DIS3L2: variants seen among roughly 807,000 people sequenced by gnomAD.
DIS3L2 encodes the protein DIS3 like 3'-5' exoribonuclease 2.
A neutral mutation model predicts 97.5 loss-of-function variants in DIS3L2; 34 were observed. The observed-to-expected ratio is 0.35, with a 90% CI of 0.27 to 0.46. The LOEUF (loss-of-function observed/expected upper bound fraction) is 0.46. Ranked by LOEUF, DIS3L2 falls within the 20% of genes least tolerant of loss-of-function variation. DIS3L2 has a pLI of 1.00. For synonymous variants in DIS3L2, 435 were observed against 445.2 expected (o/e 0.98, Z 0.29); for missense variants, 1,038 against 1,146.0 (o/e 0.91, Z 1.36).
intron 14 of DIS3L2, among the ~76,000 whole-genome samples, chr2:232,314,595 A>G (rs575387040): frequency 6.6e-6 from 1 of 152,354 alleles, no homozygotes; most frequent in Admixed American, 6.5e-5. Context: ...TCTCAAAACT[A>G]GATATTTCAA....
intron 1 of DIS3L2, among the ~76,000 whole-genome samples, chr2:231,962,272 GA>G (rs1038591080): frequency 2.6e-5 from 3 of 114,562 alleles, no homozygotes; most frequent in African/African-American, 1.4e-4. Context: ...TGATCATAGA[GA>G]GTTTTTTTTT....
chr2:232,301,677 C>T (rs2106322667), intron 14 of DIS3L2, among the ~76,000 whole-genome samples: 1 of 152,288 alleles, frequency 6.6e-6, no homozygotes, highest in South Asian at 2.1e-4. Flanking sequence ...ACAATTCTTG[C>T]TGGACTCTCT....
At chr2:232,122,843 A>G (rs1261804779) in intron 6 of DIS3L2, among the ~76,000 whole-genome samples, 1 of 152,230 alleles carries the variant, frequency 6.6e-6, no homozygotes, top group Non-Finnish European at 1.5e-5. Flanking sequence ...TAACTCATAT[A>G]AACTATTTCC....
intron 19 of DIS3L2, 38 bp from the exon 20 acceptor site, chr2:232,335,735 C>A: frequency 6.5e-7 from 1 of 1,544,366 alleles, no homozygotes; most frequent in South Asian, 1.2e-5. Flanking sequence ...GCAGCAGCAT[C>A]CAGAGCTGAG....
Position 232,000,663 on chromosome 2 carries a change from T to TTTCCTTTCC in DIS3L2, c.-93-14172_-93-14171insTTCCTTTCC, listed in dbSNP as rs1559529200. 5.6e-3 allele frequency among the ~76,000 whole-genome samples: 129 copies of TTTCCTTTCC among 23,166 alleles called. 2 individuals are homozygous for TTTCCTTTCC. Among genetic ancestry groups the TTTCCTTTCC allele is most frequent in the African/African-American group, 0.03 (124 of 4,130 alleles). The allele number at this position is 23,166 out of a possible 152,430, so 15.2% of individuals were successfully genotyped here. A position where few individuals can be genotyped will look rare whatever the true frequency, so the allele number is the denominator to read the frequency against. On this transcript the variant is annotated intron_variant, in intron 1 of 20. Coordinates refer to ENST00000325385, the MANE Select transcript of DIS3L2 (RefSeq NM_152383.5). Reference sequence around the variant, plus strand: ...CTTTCCTTTCCTTTCCTTTCCTTTCTCTTTCTCTCTTTCTCTCTTTCTGTC... The same window carrying TTTCCTTTCC: ...CTTTCCTTTCCTTTCCTTTCCTTTCTTTCCTTTCCCTTTCTCTCTTTCTCTCTTTCTGTC...
At chr2:232,062,338 T>C (rs1695735688) in intron 5 of DIS3L2, among the ~76,000 whole-genome samples, 1 of 152,168 alleles carries the variant, frequency 6.6e-6, no homozygotes, top group African/African-American at 2.4e-5. Context: ...GAGAAGGCAC[T>C]ACCACACCAC....
intron 13 of DIS3L2, among the ~76,000 whole-genome samples, chr2:232,298,302 C>T (rs1341273086): frequency 6.6e-6 from 1 of 152,174 alleles, no homozygotes; most frequent in Non-Finnish European, 1.5e-5. Flanking sequence ...AAATTCATAA[C>T]TTAAATCACT....
chr2:232,015,746 C>G, intron 3 of DIS3L2, 75 bp downstream of exon 3: 2 of 1,540,890 alleles, frequency 1.3e-6, no homozygotes, highest in East Asian at 4.5e-5. Context: ...GTTTCCTGTT[C>G]TGTGCTATAT....
chr2:232,054,176 A>G lies in DIS3L2; in HGVS notation c.366+24096A>G, dbSNP rs566838948. Among the ~76,000 whole-genome samples the G allele has an allele frequency of 5.3e-5, 8 of 152,348 alleles. No individual in the cohort carries two copies. The East Asian group carries it at 1.2e-3, about 22-fold the overall frequency. On this transcript the variant is annotated intron_variant, in intron 5 of 20. Transcript: ENST00000325385. ...TTTAATTATATCATAATATGACAGTATCAGTGTTTCTTTTCTTCTTCAGTG... is the reference window on the plus strand; with the variant it reads ...TTTAATTATATCATAATATGACAGTGTCAGTGTTTCTTTTCTTCTTCAGTG...
chr2:232,247,658 G>T (rs1574970471), intron 11 of DIS3L2, among the ~76,000 whole-genome samples: 1 of 110,654 alleles, frequency 9.0e-6, no homozygotes. Flanking sequence ...TGCCAATTCA[G>T]TCCCTAGGAT....
chr2:232,176,285 A>G (rs1691149649), intron 9 of DIS3L2, among the ~76,000 whole-genome samples: 1 of 152,094 alleles, frequency 6.6e-6, no homozygotes, highest in South Asian at 2.1e-4. Context: ...TGTTTCTGTA[A>G]GATTGTTAGT....
intron 14 of DIS3L2, among the ~76,000 whole-genome samples, chr2:232,319,792 C>T (rs1206975432): frequency 6.6e-6 from 1 of 152,194 alleles, no homozygotes; most frequent in African/African-American, 2.4e-5. Context: ...ATGGGCTTGG[C>T]CTCCAGAGTG....
intron 9 of DIS3L2, among the ~76,000 whole-genome samples, chr2:232,184,560 T>A (rs1386009193): frequency 6.6e-6 from 1 of 151,842 alleles, no homozygotes; most frequent in East Asian, 1.9e-4. Context: ...TGAGGTGAGA[T>A]AATCACTTGA....
Position 232,000,725 on chromosome 2 carries a change from C to CTTTT in DIS3L2, c.-93-14093_-93-14090dup, listed in dbSNP as rs35247478. Among the ~76,000 whole-genome samples the CTTTT allele has an allele frequency of 2.4e-3, 223 of 91,136 alleles. 3 individuals are homozygous for CTTTT. The highest frequency in any genetic ancestry group is 8.2e-3 in the African/African-American group (213 of 25,900). The allele number at this position is 91,136 out of a possible 152,430, so 59.8% of individuals were successfully genotyped here. ...CTTTCCTTCTTTCTTTCTTCTTCTT[C>CTTTT]TTTTTTTTTTTTTTTTTTTTAAGAG... On this transcript the variant is annotated intron_variant, in intron 1 of 20. Transcript: ENST00000325385.
At chr2:232,303,792 G>A (rs1403199307) in intron 14 of DIS3L2, among the ~76,000 whole-genome samples, 1 of 152,112 alleles carries the variant, frequency 6.6e-6, no homozygotes, top group Admixed American at 6.5e-5. Flanking sequence ...GTGGCCCTCG[G>A]GTCCATGGGT....
In DIS3L2 at chr2:232,325,751, C is replaced by G. The variant is rs1483597039; in HGVS notation, c.1740-4062C>G. On this transcript the variant is annotated intron_variant, in intron 14 of 20. Coordinates refer to ENST00000325385, the MANE Select transcript of DIS3L2 (RefSeq NM_152383.5). This position sits in a 1 kb window ranked among gnomAD's most constrained non-coding sequence, Gnocchi z 4.6. ...TGGCTGGCAGCCATTCCCAGCCCCT[C>G]GGAAAGCAGTTGTCAGGCAGTCCCT... 1.3e-5 allele frequency among the ~76,000 whole-genome samples: 2 copies of G among 152,234 alleles called. No homozygotes were observed. Among genetic ancestry groups the G allele is most frequent in the Non-Finnish European group, 2.9e-5 (2 of 68,032 alleles).
rs113330536 is a variant in DIS3L2, at chr2:232,330,735, C to T, written c.1969C>T (p.Arg657Cys). ...TFGDDKYSLA[R>C]KEVLTNMCSR... ...TGGAGATGACAAGTACTCACTGGCC[C>T]GCAAGGAGGTGCTCACCAACATGTG... Residue 657 changes from arginine to cysteine, a missense_variant, in exon 16 of 21, where the codon CGC (arginine) becomes TGC (cysteine). By Grantham distance (180) the Arg-to-Cys change is radical. Around this residue, in one of 3 missense-constraint regions of DIS3L2, gnomAD observed 813 missense variants for 880.1 expected, o/e 0.92. Coordinates refer to ENST00000325385, the MANE Select transcript of DIS3L2 (RefSeq NM_152383.5). 1.9e-5 allele frequency: 31 copies of T among 1,613,454 alleles called. No individual in the cohort carries two copies. The highest frequency in any genetic ancestry group is 1.6e-4 in the Middle Eastern group (1 of 6,082).
chr2:232,091,199 A>G (rs1360189932), intron 6 of DIS3L2, among the ~76,000 whole-genome samples: 1 of 152,224 alleles, frequency 6.6e-6, no homozygotes, highest in African/African-American at 2.4e-5. Context: ...TCAAATGCGT[A>G]AATGGCTTTA....
At chr2:232,029,568 C>A (rs1457024839) in intron 4 of DIS3L2, among the ~76,000 whole-genome samples, 2 of 151,924 alleles carry the variant, frequency 1.3e-5, no homozygotes, top group African/African-American at 4.8e-5. Context: ...TGATGAATCT[C>A]ATATTACATC....
Sources: gnomAD v4.1 joint callset for allele counts (sites outside exome capture counted in the v4.1 genomes callset) on GRCh38, gnomAD v4.1.1 for gene constraint, gnomAD v4.1.1 regional missense constraint, Gnocchi (gnomAD v3.1) non-coding constraint, MANE v1.5 for transcripts, NCBI Gene and HGNC (gene_info 2026-07-23, HGNC 2026-07-21) for gene names.